The following TMC1 variants were observed in gnomAD, a reference collection of about 807,000 sequenced individuals.
TMC1 encodes the protein transmembrane channel-like protein 1.
In TMC1, 84 loss-of-function variants were observed where a neutral mutation model predicts 105.8. The ratio of observed to expected loss-of-function variants is 0.79; its 90% CI spans 0.67 to 0.95. TMC1 has a LOEUF of 0.95. Among genes scored for constraint, TMC1 ranks in the 40% least tolerant of loss-of-function variants. TMC1 has a pLI of 0.00. For missense variants in TMC1, 817 were observed against 914.1 expected (o/e 0.89, Z 1.37); for synonymous variants, 315 against 311.5 (o/e 1.01, Z -0.12).
intron 10 of TMC1, among the ~76,000 whole-genome samples, chr9:72,748,167 A>T (rs1195620845): frequency 2.6e-5 from 4 of 152,340 alleles, no homozygotes; most frequent in Admixed American, 2.0e-4. Context: ...TTGGAGTCAA[A>T]CACCTGTAGC....
At chr9:72,598,035 A>G (rs1448654941) in intron 2 of TMC1, among the ~76,000 whole-genome samples, 1 of 151,208 alleles carries the variant, frequency 6.6e-6, no homozygotes, top group Non-Finnish European at 1.5e-5. Context: ...ACATTTGATA[A>G]CACAGATGGG....
At chr9:72,812,889 C>T (rs1828727629) in intron 18 of TMC1, among the ~76,000 whole-genome samples, 1 of 152,228 alleles carries the variant, frequency 6.6e-6, no homozygotes, top group Admixed American at 6.5e-5. Flanking sequence ...AAGAGATCTT[C>T]CCAGGCTTTT....
intron 1 of TMC1, among the ~76,000 whole-genome samples, chr9:72,548,152 G>C (rs965575848): frequency 1.6e-4 from 25 of 152,168 alleles, no homozygotes; most frequent in Admixed American, 1.6e-3. Flanking sequence ...ATAGCACTGA[G>C]TCTGTATGTG....
intron 10 of TMC1, among the ~76,000 whole-genome samples, chr9:72,748,913 C>G (rs540186979): frequency 6.6e-6 from 1 of 152,118 alleles, no homozygotes. Flanking sequence ...TTCCTATAAT[C>G]GTTCTAGTTT....
intron 8 of TMC1, among the ~76,000 whole-genome samples, chr9:72,702,810 C>T (rs1395728678): frequency 6.6e-6 from 1 of 152,068 alleles, no homozygotes; most frequent in Admixed American, 6.5e-5. Flanking sequence ...AGCCATAGTT[C>T]TGTGGCAGAT....
At chr9:72,656,568 A>G (rs1296416168) in intron 5 of TMC1, among the ~76,000 whole-genome samples, 1 of 152,206 alleles carries the variant, frequency 6.6e-6, no homozygotes, top group Non-Finnish European at 1.5e-5. Context: ...TGTTACTTCT[A>G]TCATCTATGA....
intron 8 of TMC1, among the ~76,000 whole-genome samples, chr9:72,712,438 T>A (rs1198016921): frequency 6.6e-6 from 1 of 152,194 alleles, no homozygotes; most frequent in Non-Finnish European, 1.5e-5. Flanking sequence ...CCTCTCTTAT[T>A]TCCTTGAGCA....
At chr9:72,657,016 C>T (rs1825894893) in intron 5 of TMC1, among the ~76,000 whole-genome samples, 1 of 152,212 alleles carries the variant, frequency 6.6e-6, no homozygotes, top group Admixed American at 6.5e-5. Flanking sequence ...ATACTCTTTT[C>T]TGATAGTTCT....
intron 5 of TMC1, among the ~76,000 whole-genome samples, chr9:72,679,758 T>A (rs761713315): frequency 1.3e-5 from 2 of 152,020 alleles, no homozygotes; most frequent in Non-Finnish European, 2.9e-5. Context: ...GTATTGGGGG[T>A]TATCTTGCAA....
chr9:72,834,569 A>G (rs1052282741), intron 23 of TMC1, among the ~76,000 whole-genome samples: 2 of 152,182 alleles, frequency 1.3e-5, no homozygotes, highest in African/African-American at 2.4e-5. Flanking sequence ...CCAGAGAGTA[A>G]AGATTTGCCT....
chr9:72,745,808 C>A (rs1827480102), intron 10 of TMC1, among the ~76,000 whole-genome samples: 1 of 152,136 alleles, frequency 6.6e-6, no homozygotes, highest in Non-Finnish European at 1.5e-5. Flanking sequence ...ACCCCTACCA[C>A]CTCTGTAGTT....
chr9:72,680,610 A>G (rs1464269146), intron 5 of TMC1, among the ~76,000 whole-genome samples: 1 of 152,114 alleles, frequency 6.6e-6, no homozygotes, highest in African/African-American at 2.4e-5. Flanking sequence ...ATTTTAGGAA[A>G]CTATGAATCT....
intron 1 of TMC1, among the ~76,000 whole-genome samples, chr9:72,552,750 C>A (rs2132073060): frequency 6.6e-6 from 1 of 152,162 alleles, no homozygotes; most frequent in Non-Finnish European, 1.5e-5. Flanking sequence ...TTGTTTGTCC[C>A]AAGGTATAAT....
intron 5 of TMC1, among the ~76,000 whole-genome samples, chr9:72,674,302 A>T (rs1325372731): frequency 1.3e-5 from 2 of 151,778 alleles, no homozygotes; most frequent in Admixed American, 6.6e-5. Flanking sequence ...TAAAATTTAT[A>T]TGAAAATGCA....
intron 1 of TMC1, among the ~76,000 whole-genome samples, chr9:72,565,961 T>C (rs1043652402): frequency 6.6e-6 from 1 of 152,154 alleles, no homozygotes. Context: ...CCAAACTGTA[T>C]CAGTATGCCT....
chr9:72,627,192 G>GTTATA (rs1825362695), intron 3 of TMC1, among the ~76,000 whole-genome samples: 1 of 152,158 alleles, frequency 6.6e-6, no homozygotes, highest in African/African-American at 2.4e-5. Context: ...CAGTTTAAAA[G>GTTATA]TTATAAACTC....
intron 1 of TMC1, among the ~76,000 whole-genome samples, chr9:72,527,064 G>A (rs1823417562): frequency 6.6e-6 from 1 of 152,148 alleles, no homozygotes. Flanking sequence ...GGTTCCGCTG[G>A]GCATGTTCCC....
intron 4 of TMC1, among the ~76,000 whole-genome samples, chr9:72,631,500 T>C (rs1010107414): frequency 1.3e-5 from 2 of 152,230 alleles, no homozygotes; most frequent in African/African-American, 4.8e-5. Flanking sequence ...AGAGAAATTA[T>C]AGAAAGCTAC....
intron 2 of TMC1, among the ~76,000 whole-genome samples, chr9:72,612,116 A>T (rs779562805): frequency 6.6e-6 from 1 of 152,296 alleles, no homozygotes; most frequent in South Asian, 2.1e-4. Context: ...CAGGGTCATC[A>T]GGATCCTTTC....
Sources: allele counts gnomAD v4.1 joint callset (sites outside exome capture counted in the v4.1 genomes callset), GRCh38; gene constraint gnomAD v4.1.1; transcripts MANE v1.5; gene names NCBI Gene and HGNC (gene_info 2026-07-23, HGNC 2026-07-21).